The following TENT2 variants were observed in gnomAD, a reference collection of about 807,000 sequenced individuals.
The protein encoded by TENT2 is poly(A) RNA polymerase GLD2.
TENT2 carries 44 observed loss-of-function variants against 72.2 expected under a neutral mutation model. The observed-to-expected ratio is 0.61, with a 90% CI of 0.48 to 0.78. The LOEUF (loss-of-function observed/expected upper bound fraction) is 0.78, where lower values mean the gene tolerates loss of function less well. Among genes scored for constraint, TENT2 ranks in the 30% least tolerant of loss-of-function variants. The pLI is 0.00. For synonymous variants in TENT2, 212 were observed against 192.5 expected (o/e 1.10, Z -0.84); for missense variants, 541 against 569.6 (o/e 0.95, Z 0.51).
At chr5:79,644,049 A>G (rs1786658944) in intron 7 of TENT2, among the ~76,000 whole-genome samples, 1 of 150,296 alleles carries the variant, frequency 6.7e-6, no homozygotes, top group Non-Finnish European at 1.5e-5. Context: ...TAGCATGATC[A>G]CAGGTCACTG....
chr5:79,650,347 G>C (rs1455385413), intron 10 of TENT2, among the ~76,000 whole-genome samples: 3 of 151,984 alleles, frequency 2.0e-5, no homozygotes, highest in Non-Finnish European at 4.4e-5. Context: ...CTTGTAAAAT[G>C]TCACATTTTC....
intron 7 of TENT2, among the ~76,000 whole-genome samples, chr5:79,643,983 A>G (rs1159029446): frequency 7.0e-6 from 1 of 142,674 alleles, no homozygotes; most frequent in African/African-American, 2.9e-5. Context: ...AGCTTGATAT[A>G]TTCTTTTTTT....
At chr5:79,657,025 A>G (rs745736920) in intron 11 of TENT2, 24 bp downstream of exon 11, 1 of 1,480,920 alleles carries the variant, frequency 6.8e-7, no homozygotes, top group Non-Finnish European at 9.4e-7. Flanking sequence ...ATAAATTATT[A>G]TAATACATTT....
At chr5:79,662,878 A>G (rs1441117717) in intron 11 of TENT2, among the ~76,000 whole-genome samples, 1 of 152,184 alleles carries the variant, frequency 6.6e-6, no homozygotes, top group Non-Finnish European at 1.5e-5. Flanking sequence ...TCTCTTCTGT[A>G]GCTGTGAAGG....
chr5:79,633,740 CCACTTTCTTTTACT>C (rs1290684778), intron 4 of TENT2, among the ~76,000 whole-genome samples: 1 of 121,408 alleles, frequency 8.2e-6, no homozygotes, highest in Non-Finnish European at 1.7e-5. Flanking sequence ...TTTTTTTTTT[CCACTTTCTTTTACT>C]CAAGGGCCCA....
chr5:79,635,435 T>C (rs1401890440), intron 4 of TENT2, among the ~76,000 whole-genome samples: 1 of 84,102 alleles, frequency 1.2e-5, no homozygotes, highest in Non-Finnish European at 2.3e-5. Context: ...GGAACAAGAA[T>C]ATGGAATTTC....
At chr5:79,669,524 C>CA (rs1366923780) in intron 12 of TENT2, among the ~76,000 whole-genome samples, 1 of 151,774 alleles carries the variant, frequency 6.6e-6, no homozygotes, top group Non-Finnish European at 1.5e-5. Context: ...AAACATAAAA[C>CA]AAAGAATGTA....
intron 8 of TENT2, among the ~76,000 whole-genome samples, chr5:79,646,890 T>C (rs1264449745): frequency 6.6e-6 from 1 of 151,896 alleles, no homozygotes; most frequent in East Asian, 1.9e-4. Flanking sequence ...CATCTCAGCC[T>C]ACTGAGTAGG....
At position 79,640,746 on chromosome 5, in the gene TENT2, T is replaced by C. The variant is rs147020973; in HGVS notation, c.466-105T>C. On this transcript the variant is annotated intron_variant, in intron 4 of 14. Coordinates refer to ENST00000453514, the MANE Select transcript of TENT2 (RefSeq NM_001114394.3). ...GAAATATTAAGAAGATAATACATAC[T>C]CCCTTTTAAAATAGTGTCAGTATAA... is the stretch of plus-strand genomic sequence containing the variant. 490 of 614,228 alleles carry C rather than the reference T, an allele frequency of 8.0e-4. 3 individuals carry two copies. The African/African-American group carries it at 8.5e-3, about 11-fold the overall frequency. The allele number at this position is 614,228 out of a possible 1,614,324, so 38.0% of individuals were successfully genotyped here. A position where few individuals can be genotyped will look rare whatever the true frequency, so the allele number is the denominator to read the frequency against.
chr5:79,677,724 A>G (rs946938888), intron 12 of TENT2, among the ~76,000 whole-genome samples: 90 of 152,360 alleles, frequency 5.9e-4, no homozygotes, highest in Non-Finnish European at 8.8e-5. Flanking sequence ...GTTTGTGGCT[A>G]TATAACTCCC....
chr5:79,619,784 G>A lies in TENT2; in HGVS notation c.136G>A (p.Asp46Asn). Residue 46 changes from aspartate (D) to asparagine (N), a missense_variant and splice_region_variant, in exon 2 of 15, where the codon GAC becomes AAC. Asp to Asn is a conservative substitution (Grantham distance 23). Coordinates refer to ENST00000453514, the MANE Select transcript of TENT2 (RefSeq NM_001114394.3). ...TGCACAATTCAACTTTCAGAATGCA[G>A]AGTGAGTATGGTGATATTTTGGCCC... ...IDAQFNFQNADLSRAVSLQQL... is the reference protein window; with the variant it reads ...IDAQFNFQNANLSRAVSLQQL... 1 of 1,612,466 alleles carries A rather than the reference G, an allele frequency of 6.2e-7. No homozygotes were observed. Among genetic ancestry groups the A allele is most frequent in the Non-Finnish European group, 8.5e-7 (1 of 1,179,196 alleles).
At position 79,623,402 on chromosome 5, in the gene TENT2, A is replaced by T. The variant is rs1439220737; in HGVS notation, c.378A>T (p.Val126=). 6.2e-7 allele frequency: 1 copy of T among 1,613,532 alleles called. No homozygotes were observed. The highest frequency in any genetic ancestry group is 1.7e-5 in the Admixed American group (1 of 59,952). The change falls in exon 4 of 15, where the codon GTA becomes GTT. Residue 126 remains valine (V), a synonymous_variant. Coordinates refer to ENST00000453514, the MANE Select transcript of TENT2 (RefSeq NM_001114394.3). ...CACCATTGTTTCATACACATTATGTACCAGATATAGTCAGATGTGTTCCAC... is the reference window on the plus strand; with the variant it reads ...CACCATTGTTTCATACACATTATGTTCCAGATATAGTCAGATGTGTTCCAC... The part of the protein sequence containing the change: ...SMPPLFHTHY[V]PDIVRCVPPF...
chr5:79,620,245 T>G (rs1763685477), intron 3 of TENT2, among the ~76,000 whole-genome samples, 162 bp downstream of exon 3: 1 of 152,232 alleles, frequency 6.6e-6, no homozygotes, highest in Non-Finnish European at 1.5e-5. Flanking sequence ...TTTATGCGTT[T>G]AAAAATTTTA....
At chr5:79,615,818 T>G (rs1759344100) in intron 1 of TENT2, among the ~76,000 whole-genome samples, 1 of 151,602 alleles carries the variant, frequency 6.6e-6, no homozygotes, top group South Asian at 2.1e-4. Flanking sequence ...GCTCAAGCGA[T>G]CCTCCCACCC....
chr5:79,675,152 G>T (rs2150804268), intron 12 of TENT2, among the ~76,000 whole-genome samples: 1 of 152,228 alleles, frequency 6.6e-6, no homozygotes, highest in East Asian at 1.9e-4. Flanking sequence ...TTGGAGAGGA[G>T]AAATAACCCA....
In TENT2 at chr5:79,682,073, A is replaced by G; in HGVS notation, c.1380+12A>G. 1 of 1,594,044 alleles carries G rather than the reference A, an allele frequency of 6.3e-7. No individual in the cohort carries two copies. The highest frequency in any genetic ancestry group is 8.6e-7 in the Non-Finnish European group (1 of 1,163,330). ...ATCAATTTTTAAAGGTAAACAATGC[A>G]TTAGATCAACCCTAGAAACATTAGT... On this transcript the variant is annotated intron_variant, in intron 14 of 14. Coordinates refer to ENST00000453514, the MANE Select transcript of TENT2 (RefSeq NM_001114394.3).
intron 9 of TENT2, 72 bp downstream of exon 9, chr5:79,648,765 A>G: frequency 8.7e-7 from 1 of 1,152,254 alleles, no homozygotes; most frequent in Non-Finnish European, 1.3e-6. Flanking sequence ...TTTGGCATAA[A>G]TAGTGACATC....
intron 11 of TENT2, among the ~76,000 whole-genome samples, chr5:79,658,526 T>TA (rs1033773715): frequency 6.6e-6 from 1 of 152,114 alleles, no homozygotes; most frequent in Non-Finnish European, 1.5e-5. Flanking sequence ...TCTCTCTCCA[T>TA]AAAGTATTGA....
At chr5:79,666,186 AC>A (rs1448728888) in intron 11 of TENT2, among the ~76,000 whole-genome samples, 3 of 151,410 alleles carry the variant, frequency 2.0e-5, no homozygotes, top group African/African-American at 7.3e-5. Flanking sequence ...ACGGGGTTTC[AC>A]CGTGTTGGCC....
Sources: gnomAD v4.1 joint callset for allele counts (sites outside exome capture counted in the v4.1 genomes callset) on GRCh38, gnomAD v4.1.1 for gene constraint, MANE v1.5 for transcripts, NCBI Gene and HGNC (gene_info 2026-07-23, HGNC 2026-07-21) for gene names.